The following FBXO5 variants were observed in gnomAD, a reference collection of about 807,000 sequenced individuals.
FBXO5 encodes the protein F-box protein 5.
FBXO5 carries 8 observed loss-of-function variants against 43.3 expected under a neutral mutation model. The ratio of observed to expected loss-of-function variants is 0.18; its 90% CI spans 0.11 to 0.33. The LOEUF (loss-of-function observed/expected upper bound fraction) is 0.33, where lower values mean the gene tolerates loss of function less well. Among genes scored for constraint, FBXO5 ranks in the 10% least tolerant of loss-of-function variants. The pLI is 1.00. For missense variants in FBXO5, 491 were observed against 535.7 expected (o/e 0.92, Z 0.82); for synonymous variants, 204 against 193.7 (o/e 1.05, Z -0.44).
rs1778154304 is a variant in FBXO5, at chr6:152,975,446, C to T, written c.279G>A (p.Leu93=). ...CKDCIKDYER[L]SCIGSPIVSP... ...TCACAATCGGTGACCCAATACATGA[C>T]AGCCTTTCATAGTCTTTAATGCAGT... The change falls in exon 2 of 5, where the codon CTG becomes CTA. Residue 93 remains leucine, a synonymous_variant. Transcript: ENST00000229758. The T allele has an allele frequency of 6.2e-7, 1 of 1,614,064 alleles. No individual in the cohort carries two copies. The highest frequency in any genetic ancestry group is 8.5e-7 in the Non-Finnish European group (1 of 1,180,008).
In FBXO5 at chr6:152,971,368, C is replaced by T. The variant is rs530568461; in HGVS notation, c.1139G>A (p.Arg380His). The T allele has an allele frequency of 1.7e-5, 27 of 1,613,552 alleles. No individual in the cohort carries two copies. The highest frequency in any genetic ancestry group is 1.6e-4 in the South Asian group (15 of 91,010). The change falls in exon 5 of 5, where the codon CGC (arginine) becomes CAC (histidine). Residue 380 changes from arginine to histidine, a missense_variant. By Grantham distance (29) the Arg-to-His change is conservative. Transcript: ENST00000229758. ...ATCATATTTTGCAGGTGAATTACAG[C>T]GAATACAGGCTTTGAGGCTTTCGTT... is the stretch of plus-strand genomic sequence containing the variant. Reference protein sequence around the residue: ...KKNESLKACIRCNSPAKYDCY... With the variant: ...KKNESLKACIHCNSPAKYDCY...
At chr6:152,973,407 G>T in intron 2 of FBXO5, 1 of 340,440 alleles carries the variant, frequency 2.9e-6, no homozygotes, top group African/African-American at 2.0e-5. Flanking sequence ...CACAATATCT[G>T]CAAACATCAA....
At chr6:152,980,309 T>C (rs1778241527) in intron 1 of FBXO5, among the ~76,000 whole-genome samples, 1 of 152,206 alleles carries the variant, frequency 6.6e-6, no homozygotes, top group African/African-American at 2.4e-5. Flanking sequence ...TAATTAGGGA[T>C]GATCTTTCAG....
rs1778076111 is a variant in FBXO5 at position 152,970,926 on chromosome 6, T to C, written c.*237A>G. The C allele has an allele frequency of 2.8e-6, 1 of 360,568 alleles. No homozygotes were observed. The highest frequency in any genetic ancestry group is 4.9e-6 in the Non-Finnish European group (1 of 205,074). The allele number at this position is 360,568 out of a possible 1,614,324, so 22.3% of individuals were successfully genotyped here. A position where few individuals can be genotyped will look rare whatever the true frequency, so the allele number is the denominator to read the frequency against. ...AGTATCACTATCTACTTTTCCTTTT[T>C]TCTTAAAATATTTAAATTGTTTGAT... On this transcript the variant is annotated 3_prime_UTR_variant, in exon 5 of 5. Transcript: ENST00000229758.
intron 2 of FBXO5, among the ~76,000 whole-genome samples, chr6:152,974,531 A>T (rs973738842): frequency 9.2e-5 from 14 of 152,332 alleles, no homozygotes; most frequent in Admixed American, 9.1e-4. Flanking sequence ...GTTTTCTTTC[A>T]TCTTAGTGGC....
At chr6:152,971,638 T>C (rs917799837) in intron 4 of FBXO5, among the ~76,000 whole-genome samples, 1 of 152,212 alleles carries the variant, frequency 6.6e-6, no homozygotes, top group Non-Finnish European at 1.5e-5. Flanking sequence ...TTAGTCATTA[T>C]GGCATAAAAT....
rs1176849591 is a variant in FBXO5, at chr6:152,975,046, C to G, written c.679G>C (p.Gly227Arg). Residue 227 changes from glycine to arginine, a missense_variant, in exon 2 of 5, where the codon GGA becomes CGA. Transcript: ENST00000229758. ...ATTATATTCTGCAGTCTAAAATTTC[C>G]TCTGGCTATAATTTCCTTCAGCATC... is the stretch of plus-strand genomic sequence containing the variant. ...REMLKEIIAR[G>R]NFRLQNIIGR... 6.2e-7 allele frequency: 1 copy of G among 1,613,988 alleles called. No individual in the cohort carries two copies.
intron 2 of FBXO5, chr6:152,973,987 A>C (rs1379087867): frequency 6.7e-6 from 1 of 150,252 alleles, no homozygotes; most frequent in Non-Finnish European, 1.5e-5. Context: ...AAAAAAAAAC[A>C]ACTCCAGTTA....
At chr6:152,972,955 A>G (rs2129093269) in intron 3 of FBXO5, 91 bp downstream of exon 3, 3 of 973,660 alleles carry the variant, frequency 3.1e-6, no homozygotes, top group East Asian at 2.5e-5. Flanking sequence ...GACTGTAAAG[A>G]AGGGTTTCCA....
Position 152,975,495 on chromosome 6 carries a change from G to A in FBXO5, c.230C>T (p.Ala77Val). The A allele has an allele frequency of 1.2e-6, 2 of 1,613,892 alleles. No individual in the cohort carries two copies. Among genetic ancestry groups the A allele is most frequent in the South Asian group, 1.1e-5 (1 of 91,084 alleles). The change falls in exon 2 of 5, where the codon GCA becomes GTA. Residue 77 changes from alanine (A) to valine (V), a missense_variant. Coordinates refer to ENST00000229758, the MANE Select transcript of FBXO5 (RefSeq NM_012177.5). ...DIGRLVSYTPAYLEGSCKDCI... is the reference protein window; with the variant it reads ...DIGRLVSYTPVYLEGSCKDCI... The stretch of plus-strand genomic sequence containing the variant: ...GTCTTTACAGGAACCTTCCAAATAT[G>A]CAGGGGTGTAGGAAACTAGTCTTCC...
At position 152,971,328 on chromosome 6, in the gene FBXO5, C is replaced by T. The variant is rs762007663; in HGVS notation, c.1179G>A (p.Arg393=). 12 of 1,613,880 alleles carry T rather than the reference C, an allele frequency of 7.4e-6. No homozygotes were observed. Among genetic ancestry groups the T allele is most frequent in the Admixed American group, 1.7e-5 (1 of 60,006 alleles). Residue 393 remains arginine, a synonymous_variant, in exon 5 of 5, where the codon CGG becomes CGA. Coordinates refer to ENST00000229758, the MANE Select transcript of FBXO5 (RefSeq NM_012177.5). ...SPAKYDCYLQ[R]ATCKREGCGF... is the part of the protein sequence containing the mutation. ...CACAGCCTTCTCGTTTGCAGGTTGC[C>T]CGTTGTAAATAGCAATCATATTTTG...
chr6:152,973,425 C>T, intron 2 of FBXO5: 1 of 310,896 alleles, frequency 3.2e-6, no homozygotes, highest in South Asian at 5.3e-5. Context: ...CAAATAGTAG[C>T]CCCCACTGTA....
At chr6:152,982,353 A>G (rs1445570489) in intron 1 of FBXO5, among the ~76,000 whole-genome samples, 2 of 151,990 alleles carry the variant, frequency 1.3e-5, no homozygotes, top group African/African-American at 4.8e-5. Context: ...ACCGCGAAAA[A>G]TCGGGGAAAC....
upstream of FBXO5, chr6:152,983,158 G>A (rs1487652097): frequency 2.5e-6 from 1 of 403,366 alleles, no homozygotes; most frequent in African/African-American, 2.1e-5. Context: ...AGTGGGTGGG[G>A]GCGCCCTCGT....
rs1778146475 is a variant in FBXO5, at chr6:152,975,152, C to A, written c.573G>T (p.Leu191Phe). The A allele has an allele frequency of 6.2e-7, 1 of 1,614,018 alleles. No homozygotes were observed. Residue 191 changes from leucine (L) to phenylalanine (F), a missense_variant, in exon 2 of 5, where the codon TTG becomes TTT. Coordinates refer to ENST00000229758, the MANE Select transcript of FBXO5 (RefSeq NM_012177.5). ...QSPDQYPNKN[L>F]LPVLHFEKVV... ...CTTTTTCAAAATGAAGAACTGGCAG[C>A]AAGTTTTTGTTGGGATATTGGTCTG...
At chr6:152,981,109 T>G (rs1440538037) in intron 1 of FBXO5, among the ~76,000 whole-genome samples, 1 of 152,226 alleles carries the variant, frequency 6.6e-6, no homozygotes, top group Non-Finnish European at 1.5e-5. Flanking sequence ...AGATCCAAGT[T>G]TGAATGAAAA....
chr6:152,975,502 TG>T lies in FBXO5; in HGVS notation c.222del (p.Tyr74Ter). 1 of 1,613,836 alleles carries T rather than the reference TG, an allele frequency of 6.2e-7. No homozygotes were observed. Among genetic ancestry groups the T allele is most frequent in the East Asian group, 2.2e-5 (1 of 44,878 alleles). On this transcript the variant is annotated frameshift_variant, in exon 2 of 5. Coordinates refer to ENST00000229758, the MANE Select transcript of FBXO5 (RefSeq NM_012177.5). LOFTEE classifies it high-confidence loss of function. ...KPDDIGRLVS[Y>X]TPAYLEGSCK... is the part of the protein sequence containing the mutation. The stretch of plus-strand genomic sequence containing the variant: ...CAGGAACCTTCCAAATATGCAGGGG[TG>T]TAGGAAACTAGTCTTCCAATGTCAT...
chr6:152,982,807 G>C, intron 1 of FBXO5, 50 bp downstream of exon 1: 1 of 1,300,402 alleles, frequency 7.7e-7, no homozygotes, highest in Non-Finnish European at 1.0e-6. Flanking sequence ...CCCTCCCCGT[G>C]CACCCCTCCT....
At chr6:152,978,284 C>G (rs774856018) in intron 1 of FBXO5, among the ~76,000 whole-genome samples, 1 of 147,706 alleles carries the variant, frequency 6.8e-6, no homozygotes, top group African/African-American at 2.5e-5. Context: ...ATCCCAGGGG[C>G]TTTGTACATC....
Sources: gnomAD v4.1 joint callset for allele counts (sites outside exome capture counted in the v4.1 genomes callset) on GRCh38, gnomAD v4.1.1 for gene constraint, MANE v1.5 for transcripts, NCBI Gene and HGNC (gene_info 2026-07-23, HGNC 2026-07-21) for gene names.